The following RTRAF variants were observed in gnomAD, a reference collection of about 807,000 sequenced individuals.
RTRAF encodes the protein RNA transcription, translation and transport factor.
A neutral mutation model predicts 34.4 loss-of-function variants in RTRAF; 14 were observed. The observed-to-expected ratio is 0.41, with a 90% CI of 0.27 to 0.64. The LOEUF is 0.64. Ranked by LOEUF, RTRAF falls within the 30% of genes least tolerant of loss-of-function variation. RTRAF has a pLI of 0.34. For missense variants in RTRAF, 291 were observed against 288.4 expected (o/e 1.01, Z -0.06); for synonymous variants, 96 against 95.3 (o/e 1.01, Z -0.04).
intron 6 of RTRAF, among the ~76,000 whole-genome samples, chr14:52,002,248 T>C (rs1890612434): frequency 6.6e-6 from 1 of 152,264 alleles, no homozygotes; most frequent in African/African-American, 2.4e-5. Flanking sequence ...TCTTTTTCTA[T>C]CTAAATTCTA....
In RTRAF at chr14:52,005,007, TTTTGTTGGGAAACTATA is replaced by T. The variant is rs1013679940; in HGVS notation, c.*492_*508del. On this transcript the variant is annotated 3_prime_UTR_variant, in exon 8 of 8. Transcript: ENST00000261700. ...ATGCAGAGGTAAAAAATCTTAGAAC[TTTTGTTGGGAAACTATA>T]AATAATTGGTCCTTTCCCATCAGTT... 1.3e-5 allele frequency: 2 copies of T among 157,216 alleles called. No homozygotes were observed. Among genetic ancestry groups the T allele is most frequent in the African/African-American group, 4.8e-5 (2 of 41,576 alleles). 9.7% of individuals were successfully genotyped at this position (157,216 alleles called of 1,614,324 possible). A position where few individuals can be genotyped will look rare whatever the true frequency, so the allele number is the denominator to read the frequency against.
At position 52,004,417 on chromosome 14, in the gene RTRAF, C is replaced by T; in HGVS notation, c.636C>T (p.Leu212=). 1.2e-6 allele frequency: 2 copies of T among 1,613,896 alleles called. No individual in the cohort carries two copies. Among genetic ancestry groups the T allele is most frequent in the Non-Finnish European group, 1.7e-6 (2 of 1,179,902 alleles). The change falls in exon 8 of 8, where the codon CTC becomes CTT. Residue 212 remains leucine (L), a synonymous_variant. Coordinates refer to ENST00000261700, the MANE Select transcript of RTRAF (RefSeq NM_016039.3). Reference sequence around the variant, plus strand: ...TGCGATTGCTGCACATAGAGGAGCTCAGAGAGCTACAGACAAAAATCAACG... The same window carrying T: ...TGCGATTGCTGCACATAGAGGAGCTTAGAGAGCTACAGACAAAAATCAACG... ...QILRLLHIEE[L]RELQTKINEA...
At chr14:51,998,621 G>T (rs753508006) in intron 4 of RTRAF, 41 bp downstream of exon 4, 2 of 1,370,342 alleles carry the variant, frequency 1.5e-6, no homozygotes, top group Non-Finnish European at 1.0e-6. Context: ...CAACATTTTT[G>T]GTTTTTTAAA....
chr14:52,009,238 C>T lies in RTRAF; in HGVS notation c.*4722C>T, dbSNP rs1228304370. 6.6e-6 allele frequency: 1 copy of T among 152,160 alleles called. No individual in the cohort carries two copies. Among genetic ancestry groups the T allele is most frequent in the Non-Finnish European group, 1.5e-5 (1 of 68,036 alleles). The allele number at this position is 152,160 out of a possible 1,614,324, so 9.4% of individuals were successfully genotyped here. A position where few individuals can be genotyped will look rare whatever the true frequency, so the allele number is the denominator to read the frequency against. On this transcript the variant is annotated 3_prime_UTR_variant, in exon 8 of 8. Transcript: ENST00000261700. ...CTAAGGTGGAGGTGGCCAGAGGGTA[C>T]AGCATGCATATCATTGCTTCATCGC...
rs1210725829 is a variant in RTRAF, at chr14:52,008,214, C to T, written c.*3698C>T. 8.3e-6 allele frequency: 3 copies of T among 361,218 alleles called. No homozygotes were observed. The highest frequency in any genetic ancestry group is 5.0e-5 in the East Asian group (1 of 20,176). The allele number at this position is 361,218 out of a possible 1,614,324, so 22.4% of individuals were successfully genotyped here. A position where few individuals can be genotyped will look rare whatever the true frequency, so the allele number is the denominator to read the frequency against. On this transcript the variant is annotated 3_prime_UTR_variant, in exon 8 of 8. Coordinates refer to ENST00000261700, the MANE Select transcript of RTRAF (RefSeq NM_016039.3). ...TGCCTTAGGGGCTCTCTCTTGCTCC[C>T]TTTGAGGGAAGCTGGATGCCATGTT...
Position 52,004,679 on chromosome 14 carries a change from A to AAGTTT in RTRAF, c.*166_*170dup, listed in dbSNP as rs752567220. On this transcript the variant is annotated 3_prime_UTR_variant, in exon 8 of 8. Transcript: ENST00000261700. Reference sequence around the variant, plus strand: ...TTGCTTATTGCTTTTTTCTTTAATAAAGTTTAGGAAAGTAGAATTTTTATT... The same window carrying AAGTTT: ...TTGCTTATTGCTTTTTTCTTTAATAAAGTTTAGTTTAGGAAAGTAGAATTTTTATT... 4.1e-4 allele frequency: 248 copies of AAGTTT among 606,346 alleles called. 1 individual carries two copies. The highest frequency in any genetic ancestry group is 1.3e-3 in the Middle Eastern group (3 of 2,304). 37.6% of individuals were successfully genotyped at this position (606,346 alleles called of 1,614,324 possible). A position where few individuals can be genotyped will look rare whatever the true frequency, so the allele number is the denominator to read the frequency against.
In RTRAF at chr14:52,010,407, AT is replaced by A. The variant is rs141277764; in HGVS notation, c.*5894del. ...ACAGACAGGGAAAATGTTTATCTTG[AT>A]TTCTGCTACAGCAACACTGAAGCCA... On this transcript the variant is annotated 3_prime_UTR_variant, in exon 8 of 8. Transcript: ENST00000261700. The A allele has an allele frequency of 0.027, 4,086 of 153,984 alleles. 198 individuals are homozygous for A. The highest frequency in any genetic ancestry group is 0.091 in the African/African-American group (3,773 of 41,562). 9.5% of individuals were successfully genotyped at this position (153,984 alleles called of 1,614,324 possible).
rs1890435321 is a variant in RTRAF at position 51,991,561 on chromosome 14, T to C, written c.186+120T>C. The C allele has an allele frequency of 5.8e-6, 7 of 1,214,824 alleles. No homozygotes were observed. In the South Asian group the frequency reaches 1.0e-4, roughly 18 times the overall value. The allele number at this position is 1,214,824 out of a possible 1,614,324, so 75.3% of individuals were successfully genotyped here. On this transcript the variant is annotated intron_variant, in intron 2 of 7. Transcript: ENST00000261700. ...TGATAATGATCAGTGTTAGGAAAGC[T>C]GGATTTCAGGGATTTTGCTTTTTTC...
rs567340442 is a variant in RTRAF, at chr14:52,001,812, G to A, written c.477G>A (p.Leu159=). The change falls in exon 6 of 8, where the codon TTG becomes TTA. Residue 159 remains leucine (L), a synonymous_variant. Coordinates refer to ENST00000261700, the MANE Select transcript of RTRAF (RefSeq NM_016039.3). ...YLVMLKAIRI[L]VQERLTQDAV... ...GGGTTTCTTAGGCAATTCGGATTTTGGTTCAGGAGCGCCTGACACAGGATG... is the reference window on the plus strand; with the variant it reads ...GGGTTTCTTAGGCAATTCGGATTTTAGTTCAGGAGCGCCTGACACAGGATG... 33 of 1,611,834 alleles carry A rather than the reference G, an allele frequency of 2.0e-5. No homozygotes were observed. In the East Asian group the frequency reaches 6.9e-4, roughly 34 times the overall value.
chr14:51,995,648 C>T (rs1046600253), intron 3 of RTRAF, among the ~76,000 whole-genome samples: 1 of 152,044 alleles, frequency 6.6e-6, no homozygotes, highest in African/African-American at 2.4e-5. Context: ...TTATCAATTT[C>T]AGTAATGTGT....
intron 5 of RTRAF, 178 bp downstream of exon 5, chr14:51,999,974 C>T: frequency 1.9e-6 from 1 of 518,706 alleles, no homozygotes; most frequent in Non-Finnish European, 3.4e-6. Context: ...TTTCTGCCTG[C>T]ACTATGCTAA....
chr14:51,990,603 T>C (rs940951060), intron 1 of RTRAF, among the ~76,000 whole-genome samples: 7 of 152,342 alleles, frequency 4.6e-5, no homozygotes, highest in African/African-American at 1.7e-4. Context: ...ATTGTTTTTC[T>C]ACTTTAACAA....
rs774875156 is a variant in RTRAF at position 52,004,343 on chromosome 14, T to A, written c.581-19T>A. ...GTAAAAATTATGTATTGAAGCAGTG[T>A]TCTTTTCTCATAAAACAGATGCAGT... On this transcript the variant is annotated intron_variant, in intron 7 of 7. Coordinates refer to ENST00000261700, the MANE Select transcript of RTRAF (RefSeq NM_016039.3). 1.2e-6 allele frequency: 2 copies of A among 1,612,340 alleles called. No individual in the cohort carries two copies. The highest frequency in any genetic ancestry group is 1.7e-6 in the Non-Finnish European group (2 of 1,179,244).
At chr14:52,001,516 T>C (rs2140330818) in intron 5 of RTRAF, among the ~76,000 whole-genome samples, 1 of 152,310 alleles carries the variant, frequency 6.6e-6, no homozygotes, top group South Asian at 2.1e-4. Context: ...ACCATGTGTC[T>C]TGCTGTATTT....
In RTRAF at chr14:52,004,546, T is replaced by C; in HGVS notation, c.*30T>C. On this transcript the variant is annotated 3_prime_UTR_variant, in exon 8 of 8. Transcript: ENST00000261700. ...TTGAGGACTTCAGCTTCTCACCTACTTAGTACAGTTGGGAACCATACACTT... is the reference window on the plus strand; with the variant it reads ...TTGAGGACTTCAGCTTCTCACCTACCTAGTACAGTTGGGAACCATACACTT... 2 of 1,560,298 alleles carry C rather than the reference T, an allele frequency of 1.3e-6. No homozygotes were observed. Among genetic ancestry groups the C allele is most frequent in the Non-Finnish European group, 1.7e-6 (2 of 1,156,926 alleles).
At position 52,005,533 on chromosome 14, in the gene RTRAF, G is replaced by T. The variant is rs1183644799; in HGVS notation, c.*1017G>T. ...GAGCAGGGGTGGGACAGGGTGGTGGGTGAGTATATTGTAACCAAGTTGCAA... is the reference window on the plus strand; with the variant it reads ...GAGCAGGGGTGGGACAGGGTGGTGGTTGAGTATATTGTAACCAAGTTGCAA... On this transcript the variant is annotated 3_prime_UTR_variant, in exon 8 of 8. Coordinates refer to ENST00000261700, the MANE Select transcript of RTRAF (RefSeq NM_016039.3). 1.3e-6 allele frequency: 2 copies of T among 1,590,814 alleles called. No homozygotes were observed. Among genetic ancestry groups the T allele is most frequent in the Non-Finnish European group, 1.7e-6 (2 of 1,170,638 alleles).
chr14:51,991,817 A>G (rs1890440023), intron 2 of RTRAF, among the ~76,000 whole-genome samples: 1 of 152,204 alleles, frequency 6.6e-6, no homozygotes, highest in African/African-American at 2.4e-5. Context: ...CTATAATGCC[A>G]GCACTTTGGG....
Position 52,006,118 on chromosome 14 carries a change from C to G in RTRAF, c.*1602C>G, listed in dbSNP as rs534612887. ...CTTAGACTTTAATGTTCCACAGTTC[C>G]TCATTTGAGAACTAGTCTAAATAGT... On this transcript the variant is annotated 3_prime_UTR_variant, in exon 8 of 8. Transcript: ENST00000261700. 219 of 465,266 alleles carry G rather than the reference C, an allele frequency of 4.7e-4. 2 individuals carry two copies. The highest frequency in any genetic ancestry group is 4.7e-5 in the Non-Finnish European group (12 of 253,116). The allele number at this position is 465,266 out of a possible 1,614,324, so 28.8% of individuals were successfully genotyped here.
At chr14:52,001,220 T>C (rs1389581140) in intron 5 of RTRAF, among the ~76,000 whole-genome samples, 1 of 151,244 alleles carries the variant, frequency 6.6e-6, no homozygotes, top group Non-Finnish European at 1.5e-5. Flanking sequence ...AAAATTCCAT[T>C]TTTTTAAAAT....
Sources: gnomAD v4.1 joint callset for allele counts (sites outside exome capture counted in the v4.1 genomes callset) on GRCh38, gnomAD v4.1.1 for gene constraint, MANE v1.5 for transcripts, NCBI Gene and HGNC (gene_info 2026-07-23, HGNC 2026-07-21) for gene names.